The following HIBCH variants were observed in gnomAD, a reference collection of about 807,000 sequenced individuals.
HIBCH encodes 3-hydroxyisobutyryl-CoA hydrolase, mitochondrial.
Under a neutral mutation model 58.2 loss-of-function variants are expected in HIBCH, and 50 were observed. That is an observed-to-expected ratio of 0.86 (90% CI 0.68 to 1.09). The LOEUF is 1.09. Among genes scored for constraint, HIBCH ranks in the 50% least tolerant of loss-of-function variants. The pLI, the probability that HIBCH is intolerant of heterozygous loss-of-function variation, is 0.00. For missense variants in HIBCH, 450 were observed against 449.7 expected (o/e 1.00, Z -0.01); for synonymous variants, 151 against 146.9 (o/e 1.03, Z -0.20).
chr2:190,202,294 A>G (rs184516005), downstream of HIBCH: 2 of 167,062 alleles, frequency 1.2e-5, no homozygotes, highest in African/African-American at 2.4e-5. Context: ...CTTCTGTACA[A>G]TATTTCTGAA....
intron 7 of HIBCH, chr2:190,260,305 T>C (rs1456855065): frequency 6.6e-6 from 1 of 152,098 alleles, no homozygotes; most frequent in Non-Finnish European, 1.5e-5. Context: ...AAAAATATCA[T>C]TAATATGAAA....
At chr2:190,271,577 A>G (rs1343620200) in intron 6 of HIBCH, among the ~76,000 whole-genome samples, 1 of 152,102 alleles carries the variant, frequency 6.6e-6, no homozygotes, top group Non-Finnish European at 1.5e-5. Flanking sequence ...GGTGTGAGCC[A>G]CTGTGTCTGG....
In HIBCH at chr2:190,287,571, A is replaced by G; in HGVS notation, c.438+15T>C. On this transcript the variant is annotated intron_variant, in intron 6 of 13. Coordinates refer to ENST00000359678, the MANE Select transcript of HIBCH (RefSeq NM_014362.4). ...AACTCACTCATACAATGATCAGAGT[A>G]AAAAGTCTACTTACCCCACCCATTG... 1 of 1,559,978 alleles carries G rather than the reference A, an allele frequency of 6.4e-7. No individual in the cohort carries two copies. The highest frequency in any genetic ancestry group is 2.2e-5 in the East Asian group (1 of 44,556).
intron 6 of HIBCH, among the ~76,000 whole-genome samples, chr2:190,269,301 A>G (rs979962470): frequency 5.3e-5 from 8 of 152,190 alleles, no homozygotes; most frequent in African/African-American, 1.9e-4. Flanking sequence ...CAGGCAACCT[A>G]TGGAATGAGA....
At chr2:190,191,846 A>G (rs772416986) in intron 1 of HIBCH, among the ~76,000 whole-genome samples, 1 of 151,962 alleles carries the variant, frequency 6.6e-6, no homozygotes, top group Non-Finnish European at 1.5e-5. Context: ...ATACTTATAT[A>G]TTCTGGATTC....
chr2:190,200,609 A>T, downstream of HIBCH: 1 of 175,734 alleles, frequency 5.7e-6, no homozygotes. Flanking sequence ...ATTAACAGTA[A>T]GTCTTGTTTG....
chr2:190,296,023 G>A (rs887719370), intron 3 of HIBCH, among the ~76,000 whole-genome samples: 5 of 152,144 alleles, frequency 3.3e-5, no homozygotes, highest in East Asian at 1.9e-4. Flanking sequence ...AGAAATCCAC[G>A]TTTCAAACCA....
chr2:190,299,600 CT>C (rs555011380), intron 2 of HIBCH, among the ~76,000 whole-genome samples: 420 of 152,116 alleles, frequency 2.8e-3, no homozygotes, highest in Non-Finnish European at 3.5e-3. Context: ...CAGTCTGACA[CT>C]TTTTTTTCAC....
At chr2:190,232,556 G>A in intron 11 of HIBCH, among the ~76,000 whole-genome samples, 1 of 152,202 alleles carries the variant, frequency 6.6e-6, no homozygotes, top group East Asian at 1.9e-4. Context: ...TCCACCATCT[G>A]TGCTTTTCCC....
chr2:190,317,846 CAG>C (rs1434186287), intron 1 of HIBCH, among the ~76,000 whole-genome samples: 19 of 146,478 alleles, frequency 1.3e-4, no homozygotes, highest in African/African-American at 4.6e-4. Context: ...TTTTTTGAGA[CAG>C]AGTCTCACCC....
rs1187852997 is a variant in HIBCH, at chr2:190,306,901, G to C, written c.78+3853C>G. Among the ~76,000 whole-genome samples, 2 of 152,188 alleles carry C rather than the reference G, an allele frequency of 1.3e-5. No homozygotes were observed. Among genetic ancestry groups the C allele is most frequent in the African/African-American group, 4.8e-5 (2 of 41,448 alleles). On this transcript the variant is annotated intron_variant, in intron 2 of 13. Coordinates refer to ENST00000359678, the MANE Select transcript of HIBCH (RefSeq NM_014362.4). This position sits in a 1 kb window ranked among gnomAD's most constrained non-coding sequence, Gnocchi z 4.6. ...TCACCCCTTCTACCACAAGAGGACA[G>C]AGAGATAAGATGGCCAACAAGGCTG...
chr2:190,315,986 G>T lies in HIBCH; in HGVS notation c.35+3730C>A, dbSNP rs1688702442. ...GTTGAAAGAAAAGTTAGAACTAAAGGTATATCTTATGCCACATGCATGTAC... is the reference window on the plus strand; with the variant it reads ...GTTGAAAGAAAAGTTAGAACTAAAGTTATATCTTATGCCACATGCATGTAC... On this transcript the variant is annotated intron_variant, in intron 1 of 13. Transcript: ENST00000359678. This position sits in a 1 kb window ranked among gnomAD's most constrained non-coding sequence, Gnocchi z 5.4. Among the ~76,000 whole-genome samples, 1 of 152,090 alleles carries T rather than the reference G, an allele frequency of 6.6e-6. No individual in the cohort carries two copies. Among genetic ancestry groups the T allele is most frequent in the Admixed American group, 6.5e-5 (1 of 15,268 alleles).
In HIBCH at chr2:190,206,652, A is replaced by G. The variant is rs937411034; in HGVS notation, c.1046-1420T>C. 2.0e-5 allele frequency among the ~76,000 whole-genome samples: 3 copies of G among 152,182 alleles called. No individual in the cohort carries two copies. The highest frequency in any genetic ancestry group is 2.9e-5 in the Non-Finnish European group (2 of 68,042). On this transcript the variant is annotated intron_variant, in intron 13 of 13. Transcript: ENST00000359678. This position sits in a 1 kb window ranked among gnomAD's most constrained non-coding sequence, Gnocchi z 5.1. Reference sequence around the variant, plus strand: ...ACCACAAAGTAGTAATTTGTTCTAGATGTTAACAGTAAGAATTTTTAACAA... The same window carrying G: ...ACCACAAAGTAGTAATTTGTTCTAGGTGTTAACAGTAAGAATTTTTAACAA...
chr2:190,235,537 A>T (rs1257548973), intron 11 of HIBCH, among the ~76,000 whole-genome samples: 2 of 152,220 alleles, frequency 1.3e-5, no homozygotes, highest in Admixed American at 1.3e-4. Flanking sequence ...ATTTAAAAAC[A>T]TGAGTTCTTA....
At position 190,213,017 on chromosome 2, in the gene HIBCH, C is replaced by A; in HGVS notation, c.950G>T (p.Gly317Val). The A allele has an allele frequency of 6.2e-7, 1 of 1,608,982 alleles. No homozygotes were observed. The highest frequency in any genetic ancestry group is 1.1e-5 in the South Asian group (1 of 90,986). Residue 317 changes from glycine (G) to valine (V), a missense_variant, in exon 12 of 14, where the codon GGG becomes GTG. By Grantham distance (109) the Gly-to-Val change is moderately radical. Coordinates refer to ENST00000359678, the MANE Select transcript of HIBCH (RefSeq NM_014362.4). ...TACTTCTTGCAAGGTCTTTGAAGAC[C>A]CCTCCATGAGTTGCCTTAGTGTGAT... Reference protein sequence around the residue: ...LKITLRQLMEGSSKTLQEVLT... With the variant: ...LKITLRQLMEVSSKTLQEVLT...
intron 1 of HIBCH, among the ~76,000 whole-genome samples, chr2:190,319,183 T>C (rs1268125461): frequency 6.6e-6 from 1 of 152,154 alleles, no homozygotes; most frequent in Non-Finnish European, 1.5e-5. Context: ...TTTCAAAAAG[T>C]TAAACAATGT....
In HIBCH at chr2:190,211,939, G is replaced by A. The variant is rs1690519636; in HGVS notation, c.1011+1017C>T. ...GTGTAATGAAAAACATGGAATGTGT[G>A]AGGTATACAGGAGAGTGGTCAAGAG... On this transcript the variant is annotated intron_variant, in intron 12 of 13. Transcript: ENST00000359678. The surrounding 1 kb of genome is among the most constrained non-coding windows in gnomAD (Gnocchi z 5.0). Among the ~76,000 whole-genome samples the A allele has an allele frequency of 6.6e-6, 1 of 152,212 alleles. No individual in the cohort carries two copies. Among genetic ancestry groups the A allele is most frequent in the Admixed American group, 6.5e-5 (1 of 15,280 alleles).
intron 9 of HIBCH, among the ~76,000 whole-genome samples, chr2:190,247,577 G>C (rs1686647223): frequency 1.3e-5 from 2 of 152,000 alleles, no homozygotes; most frequent in Admixed American, 1.3e-4. Context: ...CTAATGATTA[G>C]ATTTTGGACC....
chr2:190,265,124 A>G (rs1279166132), intron 6 of HIBCH, among the ~76,000 whole-genome samples: 2 of 80,798 alleles, frequency 2.5e-5, no homozygotes, highest in African/African-American at 9.2e-5. Flanking sequence ...CTCCGTCTCA[A>G]AAAAAAAAAA....
Sources: gnomAD v4.1 joint callset for allele counts (sites outside exome capture counted in the v4.1 genomes callset) on GRCh38, gnomAD v4.1.1 for gene constraint, Gnocchi (gnomAD v3.1) non-coding constraint, MANE v1.5 for transcripts, NCBI Gene and HGNC (gene_info 2026-07-23, HGNC 2026-07-21) for gene names.